The following KCNMA1 variants were observed in gnomAD, a reference collection of about 807,000 sequenced individuals.
KCNMA1 encodes Calcium-activated potassium channel subunit alpha-1.
Under a neutral mutation model 140.0 loss-of-function variants are expected in KCNMA1, and 29 were observed. That is an observed-to-expected ratio of 0.21 (90% CI 0.15 to 0.28). The LOEUF (loss-of-function observed/expected upper bound fraction) is 0.28, where lower values mean the gene tolerates loss of function less well. KCNMA1 is among the 10% of genes least tolerant of loss of function. KCNMA1 has a pLI of 1.00. For missense variants in KCNMA1, 880 were observed against 1,602.2 expected (o/e 0.55, Z 7.70); for synonymous variants, 612 against 611.9 (o/e 1.00, Z 0.00).
At chr10:77,587,793 A>G in intron 1 of KCNMA1, 1 of 985,344 alleles carries the variant, frequency 1.0e-6, no homozygotes, top group Non-Finnish European at 1.2e-6. Context: ...CTGAGCGCCT[A>G]TCAGATGCAG....
chr10:76,993,391 C>A (rs550380633), intron 19 of KCNMA1, among the ~76,000 whole-genome samples: 1 of 152,198 alleles, frequency 6.6e-6, no homozygotes, highest in Non-Finnish European at 1.5e-5. Context: ...CTAGCAAACC[C>A]AGCTAGGAAT....
chr10:77,407,426 G>A (rs1418543850), intron 1 of KCNMA1, among the ~76,000 whole-genome samples: 1 of 152,242 alleles, frequency 6.6e-6, no homozygotes, highest in Non-Finnish European at 1.5e-5. Context: ...TTATAAGAGT[G>A]TTGGCCACCA....
At chr10:77,041,539 G>A (rs1012338444) in intron 14 of KCNMA1, among the ~76,000 whole-genome samples, 1 of 152,154 alleles carries the variant, frequency 6.6e-6, no homozygotes, top group South Asian at 2.1e-4. Context: ...GACCTCAAGT[G>A]ATCTGCCTGC....
chr10:77,417,904 C>G (rs1039162508), intron 1 of KCNMA1, among the ~76,000 whole-genome samples: 4 of 152,224 alleles, frequency 2.6e-5, no homozygotes, highest in African/African-American at 9.6e-5. Context: ...ACCAGGCATA[C>G]AGCGGCAGTC....
chr10:76,928,689 A>C (rs759088212), intron 23 of KCNMA1, among the ~76,000 whole-genome samples: 22 of 152,194 alleles, frequency 1.4e-4, no homozygotes, highest in Non-Finnish European at 2.4e-4. Context: ...TTATTCCTAC[A>C]TACAGATGAT....
chr10:77,496,505 G>A (rs1301929878), intron 1 of KCNMA1, among the ~76,000 whole-genome samples: 2 of 148,490 alleles, frequency 1.3e-5, no homozygotes, highest in Admixed American at 6.9e-5. Flanking sequence ...ACTGAGGCAG[G>A]AGAATGGCGT....
chr10:77,184,810 T>G lies in KCNMA1; in HGVS notation c.696+13A>C, dbSNP rs551077112. On this transcript the variant is annotated intron_variant, in intron 4 of 27. Transcript: ENST00000286628. The stretch of plus-strand genomic sequence containing the variant: ...ACCCCATTGTGATACTGAACAATGT[T>G]GCACAAACTTACCCGCAAGCCGAAG... The G allele has an allele frequency of 3.9e-6, 6 of 1,536,616 alleles. No individual in the cohort carries two copies. The African/African-American group carries it at 8.2e-5, about 21-fold the overall frequency.
intron 5 of KCNMA1, among the ~76,000 whole-genome samples, chr10:77,128,258 T>C (rs1000462895): frequency 1.3e-5 from 2 of 152,118 alleles, no homozygotes; most frequent in African/African-American, 4.8e-5. Flanking sequence ...CTTCTCAATT[T>C]GGCTTAAAGT....
At chr10:77,093,580 G>A (rs1266486439) in intron 9 of KCNMA1, among the ~76,000 whole-genome samples, 1 of 152,152 alleles carries the variant, frequency 6.6e-6, no homozygotes, top group Non-Finnish European at 1.5e-5. Flanking sequence ...TCTGAGGAGG[G>A]CCCTGCAAGA....
chr10:77,138,523 C>A (rs928256898), intron 5 of KCNMA1, among the ~76,000 whole-genome samples: 1 of 152,202 alleles, frequency 6.6e-6, no homozygotes, highest in Non-Finnish European at 1.5e-5. Context: ...GGACCAAGAG[C>A]CCCACACGGG....
At chr10:77,585,349 T>C (rs2076987469) in intron 1 of KCNMA1, among the ~76,000 whole-genome samples, 1 of 152,208 alleles carries the variant, frequency 6.6e-6, no homozygotes, top group Admixed American at 6.5e-5. Context: ...ACAAGCATGG[T>C]ACTGATTTCA....
intron 2 of KCNMA1, among the ~76,000 whole-genome samples, chr10:77,353,061 A>G (rs1042900928): frequency 9.2e-5 from 14 of 152,226 alleles, no homozygotes; most frequent in Admixed American, 2.6e-4. Context: ...TGTATTTTTC[A>G]TGAAGCTTAA....
intron 16 of KCNMA1, 33 bp downstream of exon 16, chr10:77,027,790 T>G (rs2093598114): frequency 1.9e-6 from 3 of 1,583,730 alleles, no homozygotes. Context: ...CCATCAAAAG[T>G]GTCAGCTGGC....
intron 2 of KCNMA1, among the ~76,000 whole-genome samples, chr10:77,371,658 T>C (rs1464600537): frequency 1.3e-5 from 2 of 152,150 alleles, no homozygotes; most frequent in African/African-American, 4.8e-5. Context: ...GGTCCCCTCA[T>C]TGCAACCTCA....
intron 23 of KCNMA1, among the ~76,000 whole-genome samples, chr10:76,919,458 T>TG (rs61565734): frequency 0.039 from 5,943 of 152,330 alleles, 355 homozygotes; most frequent in African/African-American, 0.12. Context: ...CATAAGTGCT[T>TG]GACCAACTTT....
intron 5 of KCNMA1, among the ~76,000 whole-genome samples, chr10:77,126,817 T>C (rs891698521): frequency 1.4e-4 from 21 of 148,758 alleles, no homozygotes; most frequent in African/African-American, 5.2e-4. Context: ...TCCTGTGGGA[T>C]GGGTTGAGGC....
chr10:76,937,693 T>G (rs1318463175), intron 23 of KCNMA1, among the ~76,000 whole-genome samples: 1 of 152,210 alleles, frequency 6.6e-6, no homozygotes, highest in Non-Finnish European at 1.5e-5. Context: ...CATCTCAGAC[T>G]TTAGGATAGG....
Position 77,296,278 on chromosome 10 carries a change from C to T in KCNMA1, c.541-45022G>A, listed in dbSNP as rs573210892. On this transcript the variant is annotated intron_variant, in intron 2 of 27. Transcript: ENST00000286628. ...AGTAAGAAGTGATGTGAGGAAGGGG[C>T]CATGGACCAAAAAGTGTAGGCAGTC... Among the ~76,000 whole-genome samples the T allele has an allele frequency of 3.3e-5, 5 of 152,152 alleles. No individual in the cohort carries two copies. The South Asian group carries it at 8.3e-4, about 25-fold the overall frequency.
chr10:77,587,645 G>A (rs927469420), intron 1 of KCNMA1: 16 of 950,122 alleles, frequency 1.7e-5, no homozygotes, highest in Non-Finnish European at 7.5e-6. Context: ...AGTGTCCGGT[G>A]CTCTGAGGAC....
Sources: allele counts gnomAD v4.1 joint callset (sites outside exome capture counted in the v4.1 genomes callset), GRCh38; gene constraint gnomAD v4.1.1; transcripts MANE v1.5; gene names NCBI Gene and HGNC (gene_info 2026-07-23, HGNC 2026-07-21).